The following NAALADL2 variants were observed in gnomAD, a reference collection of about 807,000 sequenced individuals.
The protein encoded by NAALADL2 is inactive N-acetylated-alpha-linked acidic dipeptidase-like protein 2.
In NAALADL2, 76 loss-of-function variants were observed where a neutral mutation model predicts 87.2. That is an observed-to-expected ratio of 0.87 (90% CI 0.72 to 1.05). NAALADL2 has a LOEUF of 1.05. Ranked by LOEUF, NAALADL2 falls within the 50% of genes least tolerant of loss-of-function variation. NAALADL2 has a pLI of 0.00. For missense variants in NAALADL2, 1,089 were observed against 945.8 expected (o/e 1.15, Z -1.99); for synonymous variants, 354 against 331.0 (o/e 1.07, Z -0.75).
chr3:175,795,518 C>CA (rs35800749), intron 13 of NAALADL2, among the ~76,000 whole-genome samples: 18,615 of 132,194 alleles, frequency 0.14, 1,731 homozygotes, highest in African/African-American at 0.24. Context: ...CTAAAAAATA[C>CA]AAAAAAAAAA....
intron 2 of NAALADL2, among the ~76,000 whole-genome samples, chr3:174,591,392 G>A (rs1165320371): frequency 6.6e-6 from 1 of 152,170 alleles, no homozygotes; most frequent in African/African-American, 2.4e-5. Flanking sequence ...TCATTCTACA[G>A]TAATGTGTTA....
intron 2 of NAALADL2, among the ~76,000 whole-genome samples, chr3:174,711,316 C>T (rs1730605915): frequency 6.6e-6 from 1 of 152,180 alleles, no homozygotes; most frequent in South Asian, 2.1e-4. Flanking sequence ...GAGCTCATAT[C>T]AAATTTTATA....
intron 1 of NAALADL2, among the ~76,000 whole-genome samples, chr3:174,882,839 ATG>A (rs1313647050): frequency 1.4e-5 from 2 of 139,972 alleles, no homozygotes; most frequent in Admixed American, 1.4e-4. Context: ...ACGTGTGTAT[ATG>A]TGCATATGTG....
intron 3 of NAALADL2, among the ~76,000 whole-genome samples, chr3:174,841,740 C>A (rs1724046250): frequency 6.6e-6 from 1 of 152,182 alleles, no homozygotes. Context: ...TGATGGAAAT[C>A]ATCCTATTGT....
intron 11 of NAALADL2, among the ~76,000 whole-genome samples, chr3:175,727,105 T>C (rs980481694): frequency 1.3e-5 from 2 of 152,170 alleles, no homozygotes; most frequent in East Asian, 1.9e-4. Context: ...TTTTTCATCA[T>C]GTCCAAGTGG....
chr3:174,594,692 T>C (rs1717706650), intron 2 of NAALADL2, among the ~76,000 whole-genome samples: 1 of 152,182 alleles, frequency 6.6e-6, no homozygotes, highest in Admixed American at 6.5e-5. Flanking sequence ...TAATAGGTCA[T>C]ATAGACTTCC....
At chr3:174,917,998 T>A (rs1011388213) in intron 1 of NAALADL2, among the ~76,000 whole-genome samples, 7 of 152,186 alleles carry the variant, frequency 4.6e-5, no homozygotes, top group Admixed American at 4.6e-4. Context: ...TATTAAATAT[T>A]TATGATGAAA....
intron 1 of NAALADL2, among the ~76,000 whole-genome samples, chr3:175,026,471 C>T (rs1202646669): frequency 8.3e-4 from 120 of 145,228 alleles, no homozygotes; most frequent in Admixed American, 1.8e-3. Flanking sequence ...ATGGTGAAAC[C>T]CCGTCTCTAC....
At chr3:175,252,162 G>A (rs924404303) in intron 3 of NAALADL2, among the ~76,000 whole-genome samples, 1 of 152,112 alleles carries the variant, frequency 6.6e-6, no homozygotes, top group Non-Finnish European at 1.5e-5. Context: ...TCACCTTAGG[G>A]TGCTTCACAG....
chr3:175,480,431 G>A (rs1409849946), intron 9 of NAALADL2, among the ~76,000 whole-genome samples: 1 of 151,896 alleles, frequency 6.6e-6, no homozygotes, highest in African/African-American at 2.4e-5. Flanking sequence ...TCCAGAAGGA[G>A]TTTAAGATGG....
intron 2 of NAALADL2, among the ~76,000 whole-genome samples, chr3:174,610,899 A>T (rs531319831): frequency 1.3e-5 from 2 of 152,184 alleles, no homozygotes; most frequent in Non-Finnish European, 2.9e-5. Flanking sequence ...ACAATAGCAA[A>T]GACTTGGCAG....
intron 6 of NAALADL2, among the ~76,000 whole-genome samples, chr3:175,457,174 T>C (rs577111208): frequency 6.6e-6 from 1 of 152,176 alleles, no homozygotes; most frequent in South Asian, 2.1e-4. Context: ...CTATTCACCC[T>C]ACATCAAATG....
intron 2 of NAALADL2, among the ~76,000 whole-genome samples, chr3:174,735,539 C>T (rs115435171): frequency 3.8e-4 from 57 of 151,898 alleles, no homozygotes; most frequent in Non-Finnish European, 5.4e-4. Context: ...CTTCCAGTTA[C>T]GTATTTTCTC....
chr3:175,067,568 T>C (rs180790556), intron 1 of NAALADL2, among the ~76,000 whole-genome samples: 1 of 152,090 alleles, frequency 6.6e-6, no homozygotes, highest in Non-Finnish European at 1.5e-5. Context: ...GTCAGAATGG[T>C]TATTGTTAAA....
intron 5 of NAALADL2, among the ~76,000 whole-genome samples, chr3:175,432,955 C>T (rs777122831): frequency 6.6e-6 from 1 of 152,060 alleles, no homozygotes; most frequent in Non-Finnish European, 1.5e-5. Context: ...TGTTCCCAGT[C>T]TCTTCAGGCC....
chr3:175,217,548 A>T (rs2862007), intron 2 of NAALADL2, among the ~76,000 whole-genome samples: 36,627 of 152,100 alleles, frequency 0.24, 5,073 homozygotes, highest in African/African-American at 0.37. Context: ...CACGAGAAGT[A>T]ATACTAAAGG....
At chr3:174,491,699 T>G (rs529305418) in intron 1 of NAALADL2, among the ~76,000 whole-genome samples, 15 of 152,304 alleles carry the variant, frequency 9.8e-5, no homozygotes, top group Non-Finnish European at 1.6e-4. Flanking sequence ...TCGCATCAAA[T>G]TTTCCTAACA....
At chr3:175,736,958 CTGTT>C (rs1744581254) in intron 11 of NAALADL2, among the ~76,000 whole-genome samples, 1 of 152,068 alleles carries the variant, frequency 6.6e-6, no homozygotes, top group Admixed American at 6.5e-5. Context: ...TTCCTCTTTA[CTGTT>C]TGTTTGGTCA....
At chr3:174,734,577 G>T (rs1277307694) in intron 2 of NAALADL2, among the ~76,000 whole-genome samples, 1 of 152,118 alleles carries the variant, frequency 6.6e-6, no homozygotes, top group Admixed American at 6.6e-5. Flanking sequence ...TTGGAGATTA[G>T]GGCTTCAACA....
Sources: allele counts gnomAD v4.1 joint callset (sites outside exome capture counted in the v4.1 genomes callset), GRCh38; gene constraint gnomAD v4.1.1; transcripts MANE v1.5; gene names NCBI Gene and HGNC (gene_info 2026-07-23, HGNC 2026-07-21).